NMU: variants seen among roughly 807,000 people sequenced by gnomAD.
NMU encodes the protein neuromedin U.
NMU carries 29 observed loss-of-function variants against 35.4 expected under a neutral mutation model. The ratio of observed to expected loss-of-function variants is 0.82; its 90% CI spans 0.61 to 1.12. The LOEUF (loss-of-function observed/expected upper bound fraction) is 1.12, where lower values mean the gene tolerates loss of function less well. Among genes scored for constraint, NMU ranks in the 50% most tolerant of loss-of-function variants. The pLI is 0.00. For synonymous variants in NMU, 78 were observed against 81.3 expected, an observed-to-expected ratio of 0.96 and a Z score of 0.22; for missense variants, 199 against 206.2, an observed-to-expected ratio of 0.97 and a Z score of 0.21.
In NMU at chr4:55,616,203, T is replaced by C; in HGVS notation, c.219+135A>G. 3 of 709,034 alleles carry C rather than the reference T, an allele frequency of 4.2e-6. No individual in the cohort carries two copies. The South Asian group carries it at 4.9e-5, about 12-fold the overall frequency. The allele number at this position is 709,034 out of a possible 1,614,324, so 43.9% of individuals were successfully genotyped here. ...CACAAGCCCACAGTATTGATTATTA[T>C]CTACAGCAAATGTAATAATATCTCA... On this transcript the variant is annotated intron_variant, in intron 3 of 9. Transcript: ENST00000264218.
chr4:55,610,105 G>T (rs1484817448), intron 3 of NMU, among the ~76,000 whole-genome samples: 1 of 152,142 alleles, frequency 6.6e-6, no homozygotes, highest in African/African-American at 2.4e-5. Flanking sequence ...GTTCTTAGAA[G>T]AATTAAATGT....
chr4:55,629,910 T>A lies in NMU; in HGVS notation c.171+492A>T, dbSNP rs557964548. Among the ~76,000 whole-genome samples the A allele has an allele frequency of 1.1e-3, 175 of 152,262 alleles. 1 individual carries two copies. Among genetic ancestry groups the A allele is most frequent in the African/African-American group, 3.9e-3 (161 of 41,568 alleles). On this transcript the variant is annotated intron_variant, in intron 2 of 9. Transcript: ENST00000264218. The stretch of plus-strand genomic sequence containing the variant: ...ATTAATGATGTCTATATTTTCTTGT[T>A]CTGGTTTTCTTTTATTAACATATAA...
chr4:55,627,366 T>C (rs1291718266), intron 2 of NMU, among the ~76,000 whole-genome samples: 1 of 150,474 alleles, frequency 6.6e-6, no homozygotes, highest in Middle Eastern at 3.2e-3. Flanking sequence ...CCTTTATTTT[T>C]CCAAATCAAT....
At chr4:55,603,353 A>T (rs1030207136) in intron 7 of NMU, among the ~76,000 whole-genome samples, 3 of 152,004 alleles carry the variant, frequency 2.0e-5, no homozygotes, top group East Asian at 1.9e-4. Flanking sequence ...TTTAAAAATA[A>T]CATAATAAAA....
chr4:55,629,714 T>G (rs1008406748), intron 2 of NMU, among the ~76,000 whole-genome samples: 2 of 152,110 alleles, frequency 1.3e-5, no homozygotes, highest in African/African-American at 2.4e-5. Flanking sequence ...TCTAATTTAT[T>G]AATTGTATGA....
chr4:55,598,781 C>T (rs904542293), intron 9 of NMU, among the ~76,000 whole-genome samples: 2 of 152,160 alleles, frequency 1.3e-5, no homozygotes, highest in Non-Finnish European at 2.9e-5. Context: ...ACACTGATTA[C>T]TGCAATAAGA....
intron 3 of NMU, among the ~76,000 whole-genome samples, chr4:55,614,248 C>G (rs1734035015): frequency 1.3e-5 from 2 of 152,052 alleles, no homozygotes; most frequent in African/African-American, 4.8e-5. Context: ...TCCACATAAC[C>G]ATTATCATTT....
chr4:55,597,666 G>A lies in NMU; in HGVS notation c.*4+1476C>T, dbSNP rs537622195. Among the ~76,000 whole-genome samples, 253 of 152,088 alleles carry A rather than the reference G, an allele frequency of 1.7e-3. 1 individual carries two copies. The highest frequency in any genetic ancestry group is 4.9e-3 in the African/African-American group (204 of 41,518). On this transcript the variant is annotated intron_variant, in intron 9 of 9. Coordinates refer to ENST00000264218, the MANE Select transcript of NMU (RefSeq NM_006681.4). The stretch of plus-strand genomic sequence containing the variant: ...CAGGCGTGAGCCACCGTGCCCAGCC[G>A]CGGGTATAGTTTCTAGATAACATAT...
intron 4 of NMU, 130 bp downstream of exon 4, chr4:55,608,990 C>A: frequency 1.3e-6 from 1 of 750,224 alleles, no homozygotes; most frequent in Non-Finnish European, 2.4e-6. Context: ...ATTTCTTATC[C>A]AAAAACAATT....
At chr4:55,633,744 C>T (rs28610159) in intron 1 of NMU, among the ~76,000 whole-genome samples, 23,790 of 152,104 alleles carry the variant, frequency 0.16, 4,189 homozygotes, top group African/African-American at 0.44. Flanking sequence ...ACTTCACTGT[C>T]GGATTGGGAA....
intron 9 of NMU, among the ~76,000 whole-genome samples, chr4:55,595,643 A>ATTTTTTTTT (rs1211166376): frequency 1.1e-4 from 7 of 66,420 alleles, no homozygotes; most frequent in Admixed American, 2.0e-4. Flanking sequence ...ATATATATAT[A>ATTTTTTTTT]TTTTTTTTTT....
intron 3 of NMU, among the ~76,000 whole-genome samples, chr4:55,612,838 C>T (rs1472029288): frequency 1.3e-5 from 2 of 152,058 alleles, no homozygotes; most frequent in Non-Finnish European, 2.9e-5. Context: ...ACATTTTCTA[C>T]TTGGTAAAAA....
At chr4:55,603,818 A>G (rs554765492) in intron 7 of NMU, among the ~76,000 whole-genome samples, 371 of 148,894 alleles carry the variant, frequency 2.5e-3, no homozygotes, top group Non-Finnish European at 4.4e-3. Context: ...AGGCTGAGGC[A>G]GGCGAATGGT....
intron 7 of NMU, among the ~76,000 whole-genome samples, chr4:55,603,818 A>T (rs554765492): frequency 1.3e-5 from 2 of 148,818 alleles, no homozygotes; most frequent in South Asian, 2.1e-4. Context: ...AGGCTGAGGC[A>T]GGCGAATGGT....
chr4:55,614,026 G>A (rs1444947932), intron 3 of NMU, among the ~76,000 whole-genome samples: 4 of 152,076 alleles, frequency 2.6e-5, no homozygotes, highest in Non-Finnish European at 4.4e-5. Flanking sequence ...CTATACATAA[G>A]CACCATTCCA....
intron 3 of NMU, among the ~76,000 whole-genome samples, chr4:55,614,678 C>T (rs1446153588): frequency 6.6e-6 from 1 of 152,146 alleles, no homozygotes; most frequent in African/African-American, 2.4e-5. Context: ...TTGAAAGAGG[C>T]ACAGTACTGA....
rs536857373 is a variant in NMU at position 55,619,158 on chromosome 4, G to A, written c.172-2773C>T. Among the ~76,000 whole-genome samples the A allele has an allele frequency of 2.0e-5, 3 of 152,248 alleles. No homozygotes were observed. In the East Asian group the frequency reaches 5.8e-4, roughly 30 times the overall value. On this transcript the variant is annotated intron_variant, in intron 2 of 9. Coordinates refer to ENST00000264218, the MANE Select transcript of NMU (RefSeq NM_006681.4). ...AAGAACTGATATTAGGGTTCAGGGA[G>A]GAGCCAAGATGGCCGAATAGGAACA... is the stretch of plus-strand genomic sequence containing the variant.
intron 2 of NMU, among the ~76,000 whole-genome samples, chr4:55,625,169 T>TAAAAAAAAAA (rs760890031): frequency 2.0e-5 from 2 of 98,344 alleles, no homozygotes; most frequent in Non-Finnish European, 3.8e-5. Context: ...AAAGTATAAT[T>TAAAAAAAAAA]AAAAAAAAAA....
intron 2 of NMU, among the ~76,000 whole-genome samples, chr4:55,617,583 T>G (rs1734157013): frequency 1.3e-5 from 2 of 152,080 alleles, no homozygotes; most frequent in Non-Finnish European, 2.9e-5. Flanking sequence ...AGAATAAGTG[T>G]TCAACAAAAA....
Sources: allele counts gnomAD v4.1 joint callset (sites outside exome capture counted in the v4.1 genomes callset), GRCh38; gene constraint gnomAD v4.1.1; transcripts MANE v1.5; gene names NCBI Gene and HGNC (gene_info 2026-07-23, HGNC 2026-07-21).